FRY: variants seen among roughly 807,000 people sequenced by gnomAD.
FRY encodes the protein FRY microtubule binding protein.
FRY carries 128 observed loss-of-function variants against 348.4 expected under a neutral mutation model. That is an observed-to-expected ratio of 0.37 (90% CI 0.32 to 0.43). The LOEUF is 0.43. FRY is among the 20% of genes least tolerant of loss of function. FRY has a pLI of 1.00. For missense variants in FRY, 2,736 were observed against 3,695.2 expected (o/e 0.74, Z 6.73); for synonymous variants, 1,370 against 1,374.7 (o/e 1.00, Z 0.08).
chr13:32,187,005 C>T (rs1254088797), intron 27 of FRY, among the ~76,000 whole-genome samples: 1 of 152,168 alleles, frequency 6.6e-6, no homozygotes, highest in African/African-American at 2.4e-5. Flanking sequence ...TCTTCTCCTA[C>T]TTTCCCTTGA....
intron 1 of FRY, among the ~76,000 whole-genome samples, chr13:32,077,331 G>A (rs1875144418): frequency 6.6e-6 from 1 of 152,170 alleles, no homozygotes; most frequent in African/African-American, 2.4e-5. Context: ...ATGAAATAAT[G>A]TCCGCAAAGA....
intron 17 of FRY, among the ~76,000 whole-genome samples, chr13:32,162,108 T>C (rs889878300): frequency 1.3e-5 from 2 of 152,154 alleles, no homozygotes; most frequent in African/African-American, 4.8e-5. Flanking sequence ...GAAATTGAAA[T>C]AAGACTGAAG....
chr13:32,121,796 A>G (rs1404264582), intron 4 of FRY, among the ~76,000 whole-genome samples: 1 of 152,050 alleles, frequency 6.6e-6, no homozygotes, highest in Non-Finnish European at 1.5e-5. Flanking sequence ...GGTCCCAGCT[A>G]TTTATCTTTG....
chr13:32,258,635 A>G (rs1258931297), intron 51 of FRY, among the ~76,000 whole-genome samples: 2 of 152,068 alleles, frequency 1.3e-5, no homozygotes, highest in Non-Finnish European at 2.9e-5. Context: ...AAGTGAAATT[A>G]ACAATTTGCA....
rs1392306483 is a variant in FRY, at chr13:32,237,563, C to T, written c.5995C>T (p.Arg1999Ter). The T allele has an allele frequency of 1.2e-6, 2 of 1,614,088 alleles. No homozygotes were observed. Among genetic ancestry groups the T allele is most frequent in the South Asian group, 2.2e-5 (2 of 91,078 alleles). The change falls in exon 44 of 61, where the codon CGA becomes TGA. Residue 1999 changes from arginine (R) to a stop codon, truncating the protein, a stop_gained. Transcript: ENST00000542859. LOFTEE classifies it high-confidence loss of function. This position sits in a 1 kb window ranked among gnomAD's most constrained non-coding sequence, Gnocchi z 6.3. ...CATCGACCGATCCTCTGACCCACCT[C>T]GAAGTGCCACACTGGACAGAATTCA... The part of the protein sequence containing the change: ...GVIDRSSDPP[R>*]SATLDRIQAC...
chr13:32,163,267 G>A (rs1419253525), intron 17 of FRY, among the ~76,000 whole-genome samples: 2 of 152,162 alleles, frequency 1.3e-5, no homozygotes, highest in Non-Finnish European at 2.9e-5. Flanking sequence ...GGACAAAGAC[G>A]GCCACCATCT....
intron 3 of FRY, among the ~76,000 whole-genome samples, chr13:32,109,961 C>T (rs757874391): frequency 2.0e-5 from 3 of 152,088 alleles, no homozygotes; most frequent in Non-Finnish European, 2.9e-5. Context: ...AGATAGTGCT[C>T]TCTAGGGCAG....
At chr13:32,258,465 T>G (rs1887450340) in intron 51 of FRY, among the ~76,000 whole-genome samples, 1 of 152,034 alleles carries the variant, frequency 6.6e-6, no homozygotes, top group African/African-American at 2.4e-5. Flanking sequence ...ATATAAAAAT[T>G]AGCCATGCCT....
intron 2 of FRY, among the ~76,000 whole-genome samples, chr13:32,099,331 TAC>T (rs939438905): frequency 2.6e-5 from 4 of 151,722 alleles, no homozygotes; most frequent in Middle Eastern, 3.4e-3. Context: ...TATATATATA[TAC>T]ACACACACAT....
In FRY at chr13:32,194,056, T is replaced by C; in HGVS notation, c.3592-87T>C. ...CGGTCTTCCCTTTCATTTTACTCAG[T>C]TTATATTGACTAAGCTTTATCTGTA... On this transcript the variant is annotated intron_variant, in intron 28 of 60. Coordinates refer to ENST00000542859, the MANE Select transcript of FRY (RefSeq NM_023037.3). The C allele has an allele frequency of 2.3e-6, 3 of 1,314,448 alleles. No individual in the cohort carries two copies. In the South Asian group the frequency reaches 3.5e-5, roughly 15 times the overall value. 81.4% of individuals were successfully genotyped at this position (1,314,448 alleles called of 1,614,324 possible).
chr13:32,202,114 A>G (rs1884063730), intron 30 of FRY, 74 bp downstream of exon 30: 1 of 951,622 alleles, frequency 1.1e-6, no homozygotes, highest in African/African-American at 1.6e-5. Context: ...TGATTACCTA[A>G]TAGCTGTTTA....
intron 10 of FRY, among the ~76,000 whole-genome samples, chr13:32,136,663 G>T (rs1336088457): frequency 5.9e-5 from 9 of 152,140 alleles, no homozygotes; most frequent in African/African-American, 2.2e-4. Context: ...ATAATTCTTG[G>T]TTATTCCATC....
At chr13:32,187,482 C>A in intron 27 of FRY, 64 bp from the exon 28 acceptor site, 1 of 917,604 alleles carries the variant, frequency 1.1e-6, no homozygotes, top group South Asian at 1.3e-5. Context: ...TTTATAAAGT[C>A]AGTTGGATAC....
At chr13:32,270,826 C>T (rs925737940) in intron 55 of FRY, among the ~76,000 whole-genome samples, 15 of 152,182 alleles carry the variant, frequency 9.9e-5, no homozygotes, top group Non-Finnish European at 4.4e-5. Flanking sequence ...GTCTGTCTCC[C>T]GTGAAGAGGG....
chr13:32,262,391 A>G lies in FRY; in HGVS notation c.7695A>G (p.Glu2565=). Residue 2565 remains glutamate (E), a synonymous_variant, in exon 53 of 61, where the codon GAA becomes GAG. Coordinates refer to ENST00000542859, the MANE Select transcript of FRY (RefSeq NM_023037.3). The part of the protein sequence containing the change: ...LTTACDSTPA[E]PHSFNTRMSS... ...CAGCCTGTGACTCGACCCCTGCAGAACCTCATTCCTTTAACACCAGAATGT... is the reference window on the plus strand; with the variant it reads ...CAGCCTGTGACTCGACCCCTGCAGAGCCTCATTCCTTTAACACCAGAATGT... 6.2e-7 allele frequency: 1 copy of G among 1,613,558 alleles called. No homozygotes were observed. The highest frequency in any genetic ancestry group is 8.5e-7 in the Non-Finnish European group (1 of 1,179,452).
chr13:32,238,478 G>A (rs1321988079), intron 44 of FRY, among the ~76,000 whole-genome samples: 2 of 151,776 alleles, frequency 1.3e-5, no homozygotes, highest in Non-Finnish European at 2.9e-5. Context: ...TTTTGAGACA[G>A]AGTCTTGCTC....
At chr13:32,176,844 T>A (rs1566112557) in intron 20 of FRY, among the ~76,000 whole-genome samples, 1 of 152,224 alleles carries the variant, frequency 6.6e-6, no homozygotes, top group African/African-American at 2.4e-5. Flanking sequence ...CAGCTGTTAC[T>A]TCATGTAATT....
In FRY at chr13:32,124,276, A is replaced by AC; in HGVS notation, c.465-10_465-9insC. On this transcript the variant is annotated splice_polypyrimidine_tract_variant and intron_variant, in intron 4 of 60. Transcript: ENST00000542859. The stretch of plus-strand genomic sequence containing the variant: ...AGTGTGCTTTAATGTAAATATTTTA[A>AC]ATTTTACAGCGATGAACAACAGCGA... 1 of 1,524,200 alleles carries AC rather than the reference A, an allele frequency of 6.6e-7. No individual in the cohort carries two copies. The highest frequency in any genetic ancestry group is 9.1e-7 in the Non-Finnish European group (1 of 1,098,114). 94.4% of individuals were successfully genotyped at this position (1,524,200 alleles called of 1,614,324 possible).
chr13:32,278,122 G>T (rs1294590142), intron 57 of FRY, among the ~76,000 whole-genome samples: 1 of 152,112 alleles, frequency 6.6e-6, no homozygotes, highest in African/African-American at 2.4e-5. Flanking sequence ...GGAAGTATTG[G>T]TCCTGTCTTC....
Sources: allele counts gnomAD v4.1 joint callset (sites outside exome capture counted in the v4.1 genomes callset), GRCh38; gene constraint gnomAD v4.1.1; non-coding constraint Gnocchi (gnomAD v3.1); transcripts MANE v1.5; gene names NCBI Gene and HGNC (gene_info 2026-07-23, HGNC 2026-07-21).